Variants in SORL1 observed in about 807,000 individuals in gnomAD.
SORL1 encodes sortilin related receptor 1, also known as sortilin-related receptor.
SORL1 carries 127 observed loss-of-function variants against 273.7 expected under a neutral mutation model. The observed-to-expected ratio is 0.46, with a 90% CI of 0.40 to 0.54. The LOEUF (loss-of-function observed/expected upper bound fraction) is 0.54. Ranked by LOEUF, SORL1 falls within the 20% of genes least tolerant of loss-of-function variation. The pLI, the probability that SORL1 is intolerant of heterozygous loss-of-function variation, is 0.00. For missense variants in SORL1, 2,494 were observed against 2,846.1 expected, an observed-to-expected ratio of 0.88 and a Z score of 2.81; for synonymous variants, 1,031 against 1,067.4, an observed-to-expected ratio of 0.97 and a Z score of 0.66.
At chr11:121,477,491 G>A (rs1861291240) in intron 2 of SORL1, among the ~76,000 whole-genome samples, 1 of 152,208 alleles carries the variant, frequency 6.6e-6, no homozygotes, top group South Asian at 2.1e-4. Flanking sequence ...CAGCCCCGGT[G>A]AGGAGGTTAT....
At chr11:121,568,594 T>G (rs1229723245) in intron 22 of SORL1, among the ~76,000 whole-genome samples, 1 of 152,138 alleles carries the variant, frequency 6.6e-6, no homozygotes, top group Non-Finnish European at 1.5e-5. Flanking sequence ...TCTTCATAAC[T>G]CATTTGCTTG....
At chr11:121,464,289 A>G (rs747934895) in intron 1 of SORL1, among the ~76,000 whole-genome samples, 1 of 152,074 alleles carries the variant, frequency 6.6e-6, no homozygotes, top group Non-Finnish European at 1.5e-5. Flanking sequence ...CTCCTGCATA[A>G]GCCTCAACAA....
At chr11:121,460,147 T>TC (rs755046783) in intron 1 of SORL1, among the ~76,000 whole-genome samples, 5 of 151,934 alleles carry the variant, frequency 3.3e-5, no homozygotes, top group Admixed American at 6.6e-5. Flanking sequence ...GTTTATTATC[T>TC]CCCCCCCTTT....
Position 121,544,784 on chromosome 11 carries a change from G to A in SORL1, c.1865-459G>A, listed in dbSNP as rs899882408. On this transcript the variant is annotated intron_variant, in intron 13 of 47. Transcript: ENST00000260197. ...TCCAGCCTCTTTCCATGGAGATCCT[G>A]TACCTTCAAGTAGGGCCAGCGAGCC... is the stretch of plus-strand genomic sequence containing the variant. 3.3e-5 allele frequency among the ~76,000 whole-genome samples: 5 copies of A among 152,274 alleles called. No homozygotes were observed. In the South Asian group the frequency reaches 8.3e-4, roughly 25 times the overall value.
chr11:121,615,280 C>T (rs926365841), intron 41 of SORL1, among the ~76,000 whole-genome samples: 2 of 152,146 alleles, frequency 1.3e-5, no homozygotes, highest in African/African-American at 4.8e-5. Flanking sequence ...CCACTCCTCC[C>T]CAGTGTGTCC....
chr11:121,627,706 C>T lies in SORL1; in HGVS notation c.6516C>T (p.Phe2172=), dbSNP rs12270682. Residue 2172 remains phenylalanine, a synonymous_variant, in exon 47 of 48, where the codon TTC becomes TTT. Coordinates refer to ENST00000260197, the MANE Select transcript of SORL1 (RefSeq NM_003105.6). This position sits in a 1 kb window ranked among gnomAD's most constrained non-coding sequence, Gnocchi z 4.9. The stretch of plus-strand genomic sequence containing the variant: ...GGCTGCAGAGCAGCTTCACCGCCTT[C>T]GCCAACAGCCACTACAGCTCCAGGC... The part of the protein sequence containing the change: ...HRRLQSSFTA[F]ANSHYSSRLG... 9.9e-5 allele frequency: 159 copies of T among 1,614,058 alleles called. 2 individuals carry two copies. In the African/African-American group the frequency reaches 1.7e-3, roughly 17 times the overall value.
At chr11:121,566,024 A>T (rs951974886) in intron 21 of SORL1, among the ~76,000 whole-genome samples, 2 of 152,182 alleles carry the variant, frequency 1.3e-5, no homozygotes, top group African/African-American at 4.8e-5. Flanking sequence ...GCACAAAGGA[A>T]TTGAGAAGGG....
rs772783758 is a variant in SORL1, at chr11:121,574,229, A to T, written c.3338-12A>T. The T allele has an allele frequency of 6.2e-7, 1 of 1,613,304 alleles. No homozygotes were observed. The highest frequency in any genetic ancestry group is 1.3e-5 in the African/African-American group (1 of 74,912). Reference sequence around the variant, plus strand: ...TACCTAAGGAATATGTTGTCTTTCTATCCCATTTTAGCTACCACCATCTGT... The same window carrying T: ...TACCTAAGGAATATGTTGTCTTTCTTTCCCATTTTAGCTACCACCATCTGT... On this transcript the variant is annotated splice_polypyrimidine_tract_variant and intron_variant, in intron 23 of 47. Transcript: ENST00000260197.
In SORL1 at chr11:121,590,094, A is replaced by G. The variant is rs775307347; in HGVS notation, c.4133A>G (p.Asn1378Ser). Residue 1378 changes from asparagine (N) to serine (S), a missense_variant, in exon 30 of 48, where the codon AAT becomes AGT. This residue lies in a region of SORL1 where 1,609 missense variants were observed against 1,816.4 expected (regional missense o/e 0.89). Transcript: ENST00000260197. ...CGCTACTTCCAGTTTCGGTGTGAGA[A>G]TGGCCACTGCATCCCCAACAGATGG... ...CSRYFQFRCE[N>S]GHCIPNRWKC... The G allele has an allele frequency of 3.7e-6, 6 of 1,614,164 alleles. No individual in the cohort carries two copies. Among genetic ancestry groups the G allele is most frequent in the Non-Finnish European group, 2.5e-6 (3 of 1,180,002 alleles).
At chr11:121,628,176 T>G (rs1863825961) in intron 47 of SORL1, among the ~76,000 whole-genome samples, 1 of 152,236 alleles carries the variant, frequency 6.6e-6, no homozygotes, top group Non-Finnish European at 1.5e-5. Context: ...CTTTCCATCT[T>G]GCTGTTTCTC....
chr11:121,597,727 T>G (rs997819225), intron 32 of SORL1, among the ~76,000 whole-genome samples: 19 of 152,166 alleles, frequency 1.2e-4, no homozygotes, highest in Non-Finnish European at 2.5e-4. Context: ...CCCAAAGTGC[T>G]GGGATTACAG....
chr11:121,558,712 G>T lies in SORL1; in HGVS notation c.2785G>T (p.Asp929Tyr), dbSNP rs766036618. The change falls in exon 20 of 48, where the codon GAC becomes TAC. Residue 929 changes from aspartate to tyrosine, a missense_variant. This residue lies in a region of SORL1 where 1,609 missense variants were observed against 1,816.4 expected (regional missense o/e 0.89). Transcript: ENST00000260197. ...DVKWPNGISV[D>Y]DQWIYWTDAY... ...GAAGTGGCCCAATGGCATCTCTGTG[G>T]ACGACCAGTGGATTTACTGGACGGA... 4 of 1,614,154 alleles carry T rather than the reference G, an allele frequency of 2.5e-6. No individual in the cohort carries two copies. Among genetic ancestry groups the T allele is most frequent in the Middle Eastern group, 1.6e-4 (1 of 6,062 alleles).
At chr11:121,572,774 A>C (rs1310072849) in intron 23 of SORL1, among the ~76,000 whole-genome samples, 1 of 152,110 alleles carries the variant, frequency 6.6e-6, no homozygotes, top group Non-Finnish European at 1.5e-5. Flanking sequence ...AGATTCCTCT[A>C]GCTGGGTGAC....
chr11:121,598,580 A>G (rs1863336635), intron 32 of SORL1, among the ~76,000 whole-genome samples: 1 of 152,164 alleles, frequency 6.6e-6, no homozygotes, highest in Non-Finnish European at 1.5e-5. Flanking sequence ...TACTGCATTA[A>G]TTGTCCATGC....
intron 5 of SORL1, among the ~76,000 whole-genome samples, chr11:121,491,929 A>G (rs929819828): frequency 2.0e-5 from 3 of 152,164 alleles, no homozygotes; most frequent in Non-Finnish European, 1.5e-5. Flanking sequence ...GATATTTGCA[A>G]TTGCTGTTTT....
intron 2 of SORL1, among the ~76,000 whole-genome samples, chr11:121,476,417 C>T (rs1861267395): frequency 6.6e-6 from 1 of 152,218 alleles, no homozygotes; most frequent in South Asian, 2.1e-4. Context: ...CTGTCTTGGC[C>T]TCTTCTAACC....
At chr11:121,496,383 T>C (rs1861629687) in intron 5 of SORL1, among the ~76,000 whole-genome samples, 1 of 152,072 alleles carries the variant, frequency 6.6e-6, no homozygotes, top group East Asian at 1.9e-4. Context: ...ATGACATTGG[T>C]AGGGGACAGG....
At chr11:121,467,766 C>T (rs140233209) in intron 1 of SORL1, among the ~76,000 whole-genome samples, 2 of 152,272 alleles carry the variant, frequency 1.3e-5, no homozygotes, top group East Asian at 3.9e-4. Context: ...CCTTTAGCTG[C>T]TTTCTCTTTG....
At position 121,543,593 on chromosome 11, in the gene SORL1, T is replaced by C; in HGVS notation, c.1731T>C (p.Ser577=). The change falls in exon 13 of 48, where the codon TCT becomes TCC. Residue 577 remains serine (S), a synonymous_variant. Transcript: ENST00000260197. ...AGACCTGGAAAACATTCATCTTCTC[T>C]GAGAAGCCAGTGTTTGTGTATGGCC... is the stretch of plus-strand genomic sequence containing the variant. ...EGETWKTFIF[S]EKPVFVYGLL... is the part of the protein sequence containing the mutation. 2 of 1,614,114 alleles carry C rather than the reference T, an allele frequency of 1.2e-6. No homozygotes were observed. The highest frequency in any genetic ancestry group is 8.5e-7 in the Non-Finnish European group (1 of 1,179,944).
Sources: gnomAD v4.1 joint callset for allele counts (sites outside exome capture counted in the v4.1 genomes callset) on GRCh38, gnomAD v4.1.1 for gene constraint, gnomAD v4.1.1 regional missense constraint, Gnocchi (gnomAD v3.1) non-coding constraint, MANE v1.5 for transcripts, NCBI Gene and HGNC (gene_info 2026-07-23, HGNC 2026-07-21) for gene names.